Variants in ULK4 observed in about 807,000 individuals in gnomAD.
ULK4 encodes inactive serine/threonine-protein kinase ULK4.
ULK4 carries 133 observed loss-of-function variants against 160.6 expected under a neutral mutation model. The observed-to-expected ratio is 0.83, with a 90% confidence interval of 0.72 to 0.96. The LOEUF is 0.96. Among genes scored for constraint, ULK4 ranks in the 40% least tolerant of loss-of-function variants. ULK4 has a pLI of 0.00. For missense variants in ULK4, 1,580 were observed against 1,499.5 expected, an observed-to-expected ratio of 1.05 and a Z score of -0.89; for synonymous variants, 534 against 539.8, an observed-to-expected ratio of 0.99 and a Z score of 0.15.
intron 32 of ULK4, among the ~76,000 whole-genome samples, chr3:41,506,769 T>TATATATATATATATATATAA (rs2085398857): frequency 9.5e-5 from 3 of 31,616 alleles, no homozygotes; most frequent in African/African-American, 4.2e-4. Context: ...TGATTTAAAA[T>TATATATATATATATATATAA]ATATATATAT....
chr3:41,703,719 T>C (rs1307774084), intron 27 of ULK4, among the ~76,000 whole-genome samples: 1 of 152,116 alleles, frequency 6.6e-6, no homozygotes, highest in East Asian at 1.9e-4. Flanking sequence ...AGCCATGTTT[T>C]ATAAATTCAA....
intron 29 of ULK4, among the ~76,000 whole-genome samples, chr3:41,666,830 G>A (rs2035364823): frequency 6.6e-6 from 1 of 152,066 alleles, no homozygotes; most frequent in Non-Finnish European, 1.5e-5. Context: ...AGACTTGAAA[G>A]ATACAGAATC....
chr3:41,751,396 C>G (rs1021743369), intron 22 of ULK4, among the ~76,000 whole-genome samples: 1 of 152,114 alleles, frequency 6.6e-6, no homozygotes, highest in Admixed American at 6.5e-5. Flanking sequence ...CTTAGGAGGC[C>G]AAAGACAGGA....
intron 30 of ULK4, among the ~76,000 whole-genome samples, chr3:41,641,676 A>G (rs1368112093): frequency 3.3e-5 from 5 of 152,228 alleles, no homozygotes; most frequent in Non-Finnish European, 7.3e-5. Flanking sequence ...GAGCAGGCTG[A>G]GAGACTCAAG....
At chr3:41,926,722 A>C (rs147765665) in intron 5 of ULK4, among the ~76,000 whole-genome samples, 1 of 152,332 alleles carries the variant, frequency 6.6e-6, no homozygotes, top group Admixed American at 6.5e-5. Flanking sequence ...TCAATAGCCA[A>C]ATAGATCAAG....
intron 18 of ULK4, among the ~76,000 whole-genome samples, chr3:41,835,340 C>A (rs1476749209): frequency 9.2e-5 from 14 of 152,124 alleles, no homozygotes; most frequent in African/African-American, 2.9e-4. Flanking sequence ...CCATAATATT[C>A]TTTTTAAAAA....
In ULK4 at chr3:41,912,019, TA is replaced by T. The variant is rs869139255; in HGVS notation, c.897-361del. Among the ~76,000 whole-genome samples the T allele has an allele frequency of 1.4e-3, 203 of 141,822 alleles. 1 individual carries two copies. The highest frequency in any genetic ancestry group is 3.1e-3 in the South Asian group (14 of 4,530). The allele number at this position is 141,822 out of a possible 152,430, so 93.0% of individuals were successfully genotyped here. Reference sequence around the variant, plus strand: ...TTGTTTTTAACAATTTTTTTTAATTTAAAAAAAAAAAAGATCCAGGCTGACA... The same window carrying T: ...TTGTTTTTAACAATTTTTTTTAATTTAAAAAAAAAAAGATCCAGGCTGACA... On this transcript the variant is annotated intron_variant, in intron 9 of 36. Coordinates refer to ENST00000301831, the MANE Select transcript of ULK4 (RefSeq NM_017886.4).
chr3:41,313,699 TA>T (rs2080094443), intron 35 of ULK4, among the ~76,000 whole-genome samples: 1 of 152,238 alleles, frequency 6.6e-6, no homozygotes, highest in African/African-American at 2.4e-5. Flanking sequence ...CTGCTTTAGT[TA>T]AACCATATAA....
intron 20 of ULK4, among the ~76,000 whole-genome samples, chr3:41,793,621 A>G (rs2040213597): frequency 6.6e-6 from 1 of 152,150 alleles, no homozygotes; most frequent in South Asian, 2.1e-4. Context: ...GAGAACCACT[A>G]TCCTGCATAC....
chr3:41,424,379 G>C (rs746628581), intron 34 of ULK4, among the ~76,000 whole-genome samples: 9 of 152,162 alleles, frequency 5.9e-5, no homozygotes, highest in Non-Finnish European at 1.2e-4. Flanking sequence ...GGACAAGTGG[G>C]ATTCCCCCCA....
chr3:41,261,787 G>A (rs1319795648), intron 35 of ULK4, among the ~76,000 whole-genome samples: 2 of 152,196 alleles, frequency 1.3e-5, no homozygotes, highest in South Asian at 4.1e-4. Flanking sequence ...CCAGTAAGCT[G>A]TTCCTGATAT....
chr3:41,961,256 T>C (rs1700655976), intron 1 of ULK4, among the ~76,000 whole-genome samples: 1 of 152,132 alleles, frequency 6.6e-6, no homozygotes, highest in Admixed American at 6.6e-5. Flanking sequence ...TTCAGCACAA[T>C]CATGACTCCC....
intron 35 of ULK4, among the ~76,000 whole-genome samples, chr3:41,378,715 G>A (rs2081574848): frequency 6.6e-6 from 1 of 151,578 alleles, no homozygotes; most frequent in South Asian, 2.1e-4. Flanking sequence ...CACCAACATG[G>A]CACATATATA....
At chr3:41,675,038 G>A (rs1267255863) in intron 29 of ULK4, among the ~76,000 whole-genome samples, 5 of 152,048 alleles carry the variant, frequency 3.3e-5, no homozygotes, top group African/African-American at 9.7e-5. Context: ...TCAAGAGATC[G>A]AGACCATCCT....
At chr3:41,380,634 G>A (rs1238061416) in intron 35 of ULK4, among the ~76,000 whole-genome samples, 1 of 152,136 alleles carries the variant, frequency 6.6e-6, no homozygotes, top group East Asian at 1.9e-4. Context: ...GCCTGGGACA[G>A]TCAAGGCCAA....
chr3:41,591,554 G>C (rs772845373), intron 31 of ULK4, among the ~76,000 whole-genome samples: 28 of 152,010 alleles, frequency 1.8e-4, no homozygotes, highest in Non-Finnish European at 3.5e-4. Context: ...ACGAATTTGT[G>C]TTGGGCCACA....
At chr3:41,555,204 T>G (rs1181845030) in intron 32 of ULK4, among the ~76,000 whole-genome samples, 1 of 151,966 alleles carries the variant, frequency 6.6e-6, no homozygotes, top group Non-Finnish European at 1.5e-5. Flanking sequence ...ACACACATTC[T>G]AGTAAAACTA....
intron 32 of ULK4, among the ~76,000 whole-genome samples, chr3:41,539,364 C>T (rs1315503352): frequency 6.6e-6 from 1 of 152,098 alleles, no homozygotes; most frequent in South Asian, 2.1e-4. Context: ...ACTGAATCTC[C>T]GATCACTACT....
chr3:41,814,984 C>T (rs2040923579), intron 19 of ULK4, among the ~76,000 whole-genome samples: 1 of 148,852 alleles, frequency 6.7e-6, no homozygotes, highest in South Asian at 2.2e-4. Context: ...TCTCAACTCA[C>T]TGCAACCTCT....
Sources: allele counts gnomAD v4.1 joint callset (sites outside exome capture counted in the v4.1 genomes callset), GRCh38; gene constraint gnomAD v4.1.1; transcripts MANE v1.5; gene names NCBI Gene and HGNC (gene_info 2026-07-23, HGNC 2026-07-21).